HDAC1: variants seen among roughly 807,000 people sequenced by gnomAD.
The protein encoded by HDAC1 is histone deacetylase 1.
Under a neutral mutation model 65.5 loss-of-function variants are expected in HDAC1, and 18 were observed. The observed-to-expected ratio is 0.27, with a 90% CI of 0.19 to 0.41. The LOEUF (loss-of-function observed/expected upper bound fraction) is 0.41. Ranked by LOEUF, HDAC1 falls within the 10% of genes least tolerant of loss-of-function variation. HDAC1 has a pLI of 1.00. For missense variants in HDAC1, 373 were observed against 625.2 expected (o/e 0.60, Z 4.30); for synonymous variants, 211 against 227.9 (o/e 0.93, Z 0.67).
chr1:32,323,551 C>T (rs564732986), intron 3 of HDAC1, among the ~76,000 whole-genome samples: 2 of 152,178 alleles, frequency 1.3e-5, no homozygotes, highest in East Asian at 3.9e-4. Context: ...GCAGCTGCCA[C>T]CACACCTGGC....
In HDAC1 at chr1:32,331,437, C is replaced by G; in HGVS notation, c.980-37C>G. 1.6e-6 allele frequency: 2 copies of G among 1,214,998 alleles called. No individual in the cohort carries two copies. The highest frequency in any genetic ancestry group is 2.5e-6 in the Non-Finnish European group (2 of 816,190). The allele number at this position is 1,214,998 out of a possible 1,614,324, so 75.3% of individuals were successfully genotyped here. On this transcript the variant is annotated intron_variant, in intron 9 of 13. Transcript: ENST00000373548. The surrounding 1 kb of genome is among the most constrained non-coding windows in gnomAD (Gnocchi z 4.2). ...GTGCAAATGGTTAGGGTGCGGTGGC[C>G]AGGTCTCTTGACGGTCTTCTCTCCT...
Position 32,308,234 on chromosome 1 carries a change from G to A in HDAC1, c.162+5501G>A, listed in dbSNP as rs1048745736. Among the ~76,000 whole-genome samples the A allele has an allele frequency of 6.6e-5, 10 of 152,306 alleles. No homozygotes were observed. In the East Asian group the frequency reaches 9.7e-4, roughly 15 times the overall value. ...CTAGGGAGGCTGAGGCAGAAGAATA[G>A]CTTGAACCTGGGAGGCAGAGGTTGC... is the stretch of plus-strand genomic sequence containing the variant. On this transcript the variant is annotated intron_variant, in intron 2 of 13. Coordinates refer to ENST00000373548, the MANE Select transcript of HDAC1 (RefSeq NM_004964.3).
At chr1:32,303,437 G>A (rs1250453620) in intron 2 of HDAC1, among the ~76,000 whole-genome samples, 2 of 151,822 alleles carry the variant, frequency 1.3e-5, no homozygotes, top group Non-Finnish European at 2.9e-5. Flanking sequence ...CAGCCTGAGC[G>A]ACAGAGTGAG....
intron 2 of HDAC1, among the ~76,000 whole-genome samples, chr1:32,308,807 G>A (rs1241453149): frequency 2.0e-5 from 3 of 151,132 alleles, no homozygotes; most frequent in Non-Finnish European, 3.0e-5. Context: ...CGTGAGCCAC[G>A]GCGCCTGGCC....
chr1:32,323,924 C>T (rs1302804129), intron 3 of HDAC1, among the ~76,000 whole-genome samples: 2 of 152,082 alleles, frequency 1.3e-5, no homozygotes, highest in Non-Finnish European at 2.9e-5. Flanking sequence ...TTCCAAGTTG[C>T]TAACTGCTTC....
At chr1:32,292,712 A>G (rs1640714642) in intron 1 of HDAC1, among the ~76,000 whole-genome samples, 1 of 152,030 alleles carries the variant, frequency 6.6e-6, no homozygotes, top group South Asian at 2.1e-4. Flanking sequence ...CAGGGGTTGC[A>G]AGGAGAAGGA....
intron 3 of HDAC1, among the ~76,000 whole-genome samples, 199 bp from the exon 4 acceptor site, chr1:32,324,280 G>T (rs949118364): frequency 3.3e-5 from 5 of 151,936 alleles, no homozygotes; most frequent in African/African-American, 1.2e-4. Flanking sequence ...CAAGCCCCTG[G>T]CTCTAAAAAA....
chr1:32,299,048 CT>C (rs1640810246), intron 1 of HDAC1, among the ~76,000 whole-genome samples: 1 of 152,078 alleles, frequency 6.6e-6, no homozygotes, highest in South Asian at 2.1e-4. Flanking sequence ...AGGACCATTT[CT>C]TTTAAAGTCT....
intron 1 of HDAC1, 138 bp from the exon 2 acceptor site, chr1:32,302,483 C>A: frequency 6.1e-5 from 26 of 425,156 alleles, no homozygotes; most frequent in East Asian, 1.7e-4. Flanking sequence ...AGTTACCCTT[C>A]AAAAGGTGGG....
At chr1:32,306,174 T>TTTTTTC (rs1213120887) in intron 2 of HDAC1, among the ~76,000 whole-genome samples, 1 of 151,802 alleles carries the variant, frequency 6.6e-6, no homozygotes, top group East Asian at 1.9e-4. Context: ...CCTTTCACTT[T>TTTTTTC]TTTTTCTTTT....
At chr1:32,325,539 A>T (rs1641205307) in intron 4 of HDAC1, among the ~76,000 whole-genome samples, 1 of 152,188 alleles carries the variant, frequency 6.6e-6, no homozygotes, top group East Asian at 1.9e-4. Context: ...TATTTTACAA[A>T]AGTGGGTTAT....
At position 32,330,351 on chromosome 1, in the gene HDAC1, G is replaced by C. The variant is rs1028679565; in HGVS notation, c.730-227G>C. 2 of 512,340 alleles carry C rather than the reference G, an allele frequency of 3.9e-6. No homozygotes were observed. The highest frequency in any genetic ancestry group is 4.2e-5 in the South Asian group (2 of 47,372). 31.7% of individuals were successfully genotyped at this position (512,340 alleles called of 1,614,324 possible). A position where few individuals can be genotyped will look rare whatever the true frequency, so the allele number is the denominator to read the frequency against. On this transcript the variant is annotated intron_variant, in intron 7 of 13. Transcript: ENST00000373548. The surrounding 1 kb of genome is among the most constrained non-coding windows in gnomAD (Gnocchi z 4.2). ...TGAGAGGGAGGCCATTCTAGGTTCA[G>C]TGTTACTAGAGTGTTAGAAGGGTCT...
In HDAC1 at chr1:32,329,076, G is replaced by A. The variant is rs1641256812; in HGVS notation, c.645G>A (p.Gly215=). The part of the protein sequence containing the change: ...FPGTGDLRDI[G]AGKGKYYAVN... Reference sequence around the variant, plus strand: ...ATGGCCTTTTTAATTAGGATATCGGGGCTGGCAAAGGCAAGTATTATGCTG... The same window carrying A: ...ATGGCCTTTTTAATTAGGATATCGGAGCTGGCAAAGGCAAGTATTATGCTG... Residue 215 remains glycine, a synonymous_variant, in exon 7 of 14, where the codon GGG becomes GGA. Transcript: ENST00000373548. The surrounding 1 kb of genome is among the most constrained non-coding windows in gnomAD (Gnocchi z 4.1). The A allele has an allele frequency of 2.5e-6, 4 of 1,603,332 alleles. No individual in the cohort carries two copies. The highest frequency in any genetic ancestry group is 3.3e-5 in the Admixed American group (2 of 59,988).
intron 4 of HDAC1, among the ~76,000 whole-genome samples, chr1:32,326,609 C>T (rs1641220805): frequency 1.3e-5 from 2 of 152,006 alleles, no homozygotes; most frequent in African/African-American, 4.8e-5. Context: ...AGAGCAGTTA[C>T]CCTTACTGTT....
intron 2 of HDAC1, among the ~76,000 whole-genome samples, chr1:32,309,840 G>A (rs564244076): frequency 2.8e-4 from 42 of 152,210 alleles, no homozygotes; most frequent in African/African-American, 9.9e-4. Context: ...GACTACAAGT[G>A]TGTGCCTGGG....
Position 32,327,467 on chromosome 1 carries a change from G to A in HDAC1, c.495-69G>A. 1 of 1,196,064 alleles carries A rather than the reference G, an allele frequency of 8.4e-7. No homozygotes were observed. Among genetic ancestry groups the A allele is most frequent in the Non-Finnish European group, 1.2e-6 (1 of 810,814 alleles). The allele number at this position is 1,196,064 out of a possible 1,614,324, so 74.1% of individuals were successfully genotyped here. On this transcript the variant is annotated intron_variant, in intron 5 of 13. Coordinates refer to ENST00000373548, the MANE Select transcript of HDAC1 (RefSeq NM_004964.3). The surrounding 1 kb of genome is among the most constrained non-coding windows in gnomAD (Gnocchi z 6.0). The stretch of plus-strand genomic sequence containing the variant: ...GGGAGGCAGCCAGCCCGGTAAGCTG[G>A]GAGCTAGCGCCCTTGGCACGTCCCA...
At chr1:32,300,508 A>G (rs549125563) in intron 1 of HDAC1, among the ~76,000 whole-genome samples, 4 of 152,126 alleles carry the variant, frequency 2.6e-5, no homozygotes, top group Non-Finnish European at 5.9e-5. Context: ...TGAGCCGCCG[A>G]GATAGTACCA....
chr1:32,321,401 C>T (rs561179035), intron 3 of HDAC1, among the ~76,000 whole-genome samples: 2 of 148,542 alleles, frequency 1.3e-5, no homozygotes, highest in Admixed American at 6.7e-5. Flanking sequence ...CCAGCACTGC[C>T]AAGGTATAAG....
chr1:32,301,871 C>T (rs1640853998), intron 1 of HDAC1, among the ~76,000 whole-genome samples: 1 of 152,208 alleles, frequency 6.6e-6, no homozygotes. Context: ...ATTTTCCTGC[C>T]TCAGCCTCCA....
Sources: gnomAD v4.1 joint callset for allele counts (sites outside exome capture counted in the v4.1 genomes callset) on GRCh38, gnomAD v4.1.1 for gene constraint, Gnocchi (gnomAD v3.1) non-coding constraint, MANE v1.5 for transcripts, NCBI Gene and HGNC (gene_info 2026-07-23, HGNC 2026-07-21) for gene names.